Variants in CSTF3 observed in about 807,000 individuals in gnomAD.
CSTF3 encodes the protein cleavage stimulation factor subunit 3.
CSTF3 carries 29 observed loss-of-function variants against 105.8 expected under a neutral mutation model. The ratio of observed to expected loss-of-function variants is 0.27; its 90% CI spans 0.20 to 0.37. The LOEUF (loss-of-function observed/expected upper bound fraction) is 0.37, where lower values mean the gene tolerates loss of function less well. Among genes scored for constraint, CSTF3 ranks in the 10% least tolerant of loss-of-function variants. CSTF3 has a pLI of 1.00. For synonymous variants in CSTF3, 252 were observed against 281.9 expected (o/e 0.89, Z 1.06); for missense variants, 357 against 879.3 (o/e 0.41, Z 7.51).
intron 1 of CSTF3, among the ~76,000 whole-genome samples, chr11:33,142,731 T>C (rs968404417): frequency 6.6e-6 from 1 of 151,322 alleles, no homozygotes; most frequent in African/African-American, 2.5e-5. Context: ...ACTTTTTACA[T>C]GTTTTTTCTT....
intron 3 of CSTF3, among the ~76,000 whole-genome samples, chr11:33,112,914 G>A (rs2133781789): frequency 6.6e-6 from 1 of 152,008 alleles, no homozygotes; most frequent in Middle Eastern, 3.4e-3. Flanking sequence ...TCCATTTAAA[G>A]ACCATTATAA....
At chr11:33,147,052 G>C (rs921241848) in intron 1 of CSTF3, among the ~76,000 whole-genome samples, 1 of 152,010 alleles carries the variant, frequency 6.6e-6, no homozygotes, top group African/African-American at 2.4e-5. Context: ...TGCAGCCCTA[G>C]CTACTAGGCA....
At chr11:33,150,778 C>T (rs1855850254) in intron 1 of CSTF3, among the ~76,000 whole-genome samples, 1 of 151,820 alleles carries the variant, frequency 6.6e-6, no homozygotes, top group Non-Finnish European at 1.5e-5. Flanking sequence ...ATGGCTTGAG[C>T]CCAGGAGGTG....
At chr11:33,108,910 C>T (rs1037317061) in intron 3 of CSTF3, among the ~76,000 whole-genome samples, 1 of 152,132 alleles carries the variant, frequency 6.6e-6, no homozygotes, top group African/African-American at 2.4e-5. Context: ...GACAGGTCTG[C>T]CCCTGCCCTC....
In CSTF3 at chr11:33,098,891, T is replaced by C. The variant is rs1418500197; in HGVS notation, c.1054-127A>G. On this transcript the variant is annotated intron_variant, in intron 12 of 20. Transcript: ENST00000323959. ...ATCTCCATTGAGCATAAATATAGTA[T>C]AAGCTGACAACTAATAACTGTTCAT... The C allele has an allele frequency of 9.7e-6, 13 of 1,339,066 alleles. No individual in the cohort carries two copies. The Admixed American group carries it at 3.2e-4, about 33-fold the overall frequency. 82.9% of individuals were successfully genotyped at this position (1,339,066 alleles called of 1,614,324 possible).
chr11:33,102,372 G>T, intron 9 of CSTF3, 33 bp from the exon 10 acceptor site: 1 of 1,610,160 alleles, frequency 6.2e-7, no homozygotes, highest in Non-Finnish European at 8.5e-7. Context: ...TCTTTGGTGA[G>T]CCAGGAACAA....
At chr11:33,106,408 C>T (rs1054803000) in intron 5 of CSTF3, among the ~76,000 whole-genome samples, 32 of 151,592 alleles carry the variant, frequency 2.1e-4, no homozygotes, top group African/African-American at 7.8e-4. Flanking sequence ...AGAGCAAGAC[C>T]CTGTCTCTAA....
chr11:33,136,538 A>G (rs1855655093), intron 3 of CSTF3, among the ~76,000 whole-genome samples: 1 of 152,006 alleles, frequency 6.6e-6, no homozygotes, highest in Non-Finnish European at 1.5e-5. Context: ...GTTAAAGAAA[A>G]TACAAACAAT....
intron 1 of CSTF3, among the ~76,000 whole-genome samples, chr11:33,151,438 G>T (rs1204555428): frequency 6.6e-6 from 1 of 151,838 alleles, no homozygotes; most frequent in Non-Finnish European, 1.5e-5. Context: ...CACCTGCCTC[G>T]GCCTCTCAAA....
At chr11:33,113,206 A>AAAATAAATAAAT (rs61101354) in intron 3 of CSTF3, among the ~76,000 whole-genome samples, 1,542 of 147,238 alleles carry the variant, frequency 0.01, 26 homozygotes, top group African/African-American at 0.036. Context: ...ACTTTGTCTC[A>AAAATAAATAAAT]AAATAAATAA....
chr11:33,119,808 C>G (rs981548581), intron 3 of CSTF3, among the ~76,000 whole-genome samples: 4 of 151,768 alleles, frequency 2.6e-5, no homozygotes, highest in African/African-American at 9.7e-5. Context: ...CTAGCCTTCT[C>G]AATCCTATAT....
intron 1 of CSTF3, among the ~76,000 whole-genome samples, chr11:33,146,283 A>G (rs1278708779): frequency 6.6e-6 from 1 of 152,104 alleles, no homozygotes; most frequent in African/African-American, 2.4e-5. Flanking sequence ...GTTTAATATA[A>G]ATGTCCGATT....
chr11:33,114,475 A>C (rs1855411086), intron 3 of CSTF3, among the ~76,000 whole-genome samples: 1 of 152,196 alleles, frequency 6.6e-6, no homozygotes, highest in Admixed American at 6.5e-5. Flanking sequence ...AAATCCCATA[A>C]AGTCAAAAGT....
At chr11:33,102,454 C>A in intron 9 of CSTF3, 115 bp from the exon 10 acceptor site, 1 of 838,610 alleles carries the variant, frequency 1.2e-6, no homozygotes, top group Non-Finnish European at 1.8e-6. Flanking sequence ...CCAAATACCA[C>A]TTTGTTAATA....
chr11:33,087,225 T>A, intron 17 of CSTF3, 84 bp from the exon 18 acceptor site: 2 of 1,416,500 alleles, frequency 1.4e-6, no homozygotes, highest in Admixed American at 3.9e-5. Flanking sequence ...GGATACAGTG[T>A]GAATATCTGG....
chr11:33,151,239 C>T (rs1366061419), intron 1 of CSTF3, among the ~76,000 whole-genome samples: 2 of 152,040 alleles, frequency 1.3e-5, no homozygotes, highest in Admixed American at 6.6e-5. Context: ...CACCCAGGCT[C>T]GAATGCAGTG....
chr11:33,102,161 G>A lies in CSTF3; in HGVS notation c.826+16C>T. 1 of 1,611,220 alleles carries A rather than the reference G, an allele frequency of 6.2e-7. No homozygotes were observed. Among genetic ancestry groups the A allele is most frequent in the Non-Finnish European group, 8.5e-7 (1 of 1,178,364 alleles). ...CATACATGTAACTGAAGTCCCATGA[G>A]GGTTAATCATGTTACCTCTTTTTGT... On this transcript the variant is annotated intron_variant, in intron 10 of 20. Coordinates refer to ENST00000323959, the MANE Select transcript of CSTF3 (RefSeq NM_001326.3).
intron 10 of CSTF3, among the ~76,000 whole-genome samples, chr11:33,100,269 G>A (rs1005833969): frequency 1.9e-4 from 29 of 151,660 alleles, no homozygotes; most frequent in Admixed American, 1.5e-3. Flanking sequence ...GCAGGAGAAT[G>A]GCATGAACCC....
chr11:33,098,036 T>C (rs1236193436), intron 13 of CSTF3, among the ~76,000 whole-genome samples: 3 of 152,172 alleles, frequency 2.0e-5, no homozygotes, highest in Non-Finnish European at 4.4e-5. Flanking sequence ...GAATGAATTA[T>C]AAGATGATGA....
Sources: allele counts gnomAD v4.1 joint callset (sites outside exome capture counted in the v4.1 genomes callset), GRCh38; gene constraint gnomAD v4.1.1; transcripts MANE v1.5; gene names NCBI Gene and HGNC (gene_info 2026-07-23, HGNC 2026-07-21).